PAK5: variants seen among roughly 807,000 people sequenced by gnomAD.
PAK5 encodes p21 (RAC1) activated kinase 5.
Under a neutral mutation model 65.9 loss-of-function variants are expected in PAK5, and 16 were observed. The observed-to-expected ratio is 0.24, with a 90% CI of 0.16 to 0.37. The LOEUF is 0.37. Ranked by LOEUF, PAK5 falls within the 10% of genes least tolerant of loss-of-function variation. PAK5 has a pLI of 1.00. For synonymous variants in PAK5, 371 were observed against 354.9 expected, an observed-to-expected ratio of 1.05 and a Z score of -0.51; for missense variants, 785 against 903.9, an observed-to-expected ratio of 0.87 and a Z score of 1.69.
chr20:9,690,932 T>C (rs1339625628), intron 2 of PAK5, among the ~76,000 whole-genome samples: 2 of 151,638 alleles, frequency 1.3e-5, no homozygotes, highest in African/African-American at 4.8e-5. Context: ...TTTTTGTATT[T>C]TTAATAGAGA....
intron 3 of PAK5, among the ~76,000 whole-genome samples, chr20:9,615,938 C>T (rs1407303335): frequency 6.6e-6 from 1 of 152,184 alleles, no homozygotes; most frequent in Non-Finnish European, 1.5e-5. Context: ...GCCCCCACAG[C>T]AAGCAACCCA....
intron 2 of PAK5, among the ~76,000 whole-genome samples, chr20:9,665,362 C>T (rs2123347251): frequency 6.6e-6 from 1 of 152,232 alleles, no homozygotes; most frequent in East Asian, 1.9e-4. Context: ...AAATCCATTC[C>T]TCCTGGCCAC....
In PAK5 at chr20:9,706,471, C is replaced by CTTT. The variant is rs34420250; in HGVS notation, c.-12+4812_-12+4814dup. Among the ~76,000 whole-genome samples the CTTT allele has an allele frequency of 4.8e-3, 605 of 125,366 alleles. 5 individuals are homozygous for CTTT. Among genetic ancestry groups the CTTT allele is most frequent in the African/African-American group, 0.017 (573 of 33,720 alleles). The allele number at this position is 125,366 out of a possible 152,430, so 82.2% of individuals were successfully genotyped here. On this transcript the variant is annotated intron_variant, in intron 2 of 9. Coordinates refer to ENST00000353224, the MANE Select transcript of PAK5 (RefSeq NM_177990.4). ...GAAATAAATACACATTCTACAAACT[C>CTTT]TTTTTTTTTTTTTTTTTCTTTTTAA...
chr20:9,690,771 T>TTTTTA (rs58912081), intron 2 of PAK5, among the ~76,000 whole-genome samples: 1 of 121,644 alleles, frequency 8.2e-6, no homozygotes, highest in South Asian at 2.5e-4. Flanking sequence ...TTTTTTTTTT[T>TTTTTA]GAGAAGGAGT....
rs574815488 is a variant in PAK5 at position 9,562,337 on chromosome 20, ATACT to A, written c.1616+550_1616+553del. On this transcript the variant is annotated intron_variant, in intron 6 of 9. Coordinates refer to ENST00000353224, the MANE Select transcript of PAK5 (RefSeq NM_177990.4). ...CTGGCACATAAAAGGTGCTCAATAA[ATACT>A]TAATGAAATGGCTGGAACTGGCACA... 3.0e-4 allele frequency among the ~76,000 whole-genome samples: 46 copies of A among 152,356 alleles called. 1 individual carries two copies. In the South Asian group the frequency reaches 8.9e-3, roughly 29 times the overall value.
chr20:9,760,094 G>A (rs2048681352), intron 1 of PAK5, among the ~76,000 whole-genome samples: 3 of 152,086 alleles, frequency 2.0e-5, no homozygotes, highest in Admixed American at 1.3e-4. Context: ...TGATGTTATT[G>A]GGTAGCTGTG....
At chr20:9,807,238 A>G (rs181135337) in intron 1 of PAK5, among the ~76,000 whole-genome samples, 78 of 152,280 alleles carry the variant, frequency 5.1e-4, no homozygotes, top group African/African-American at 1.9e-3. Flanking sequence ...ACATATTTGA[A>G]GAGTCATTAT....
chr20:9,786,085 C>T (rs770497093), intron 1 of PAK5, among the ~76,000 whole-genome samples: 27 of 152,198 alleles, frequency 1.8e-4, no homozygotes, highest in African/African-American at 5.5e-4. Flanking sequence ...GACCTGCTTC[C>T]GGGAATCACA....
At chr20:9,771,736 T>G (rs1229195394) in intron 1 of PAK5, among the ~76,000 whole-genome samples, 1 of 152,116 alleles carries the variant, frequency 6.6e-6, no homozygotes, top group Non-Finnish European at 1.5e-5. Flanking sequence ...AATTCAAATA[T>G]TTTTAAAATA....
At chr20:9,834,112 G>A (rs1978960322) in intron 1 of PAK5, among the ~76,000 whole-genome samples, 1 of 152,142 alleles carries the variant, frequency 6.6e-6, no homozygotes, top group Non-Finnish European at 1.5e-5. Context: ...AAGGCACACT[G>A]TCTAATTTTT....
At chr20:9,703,943 T>C (rs2123469517) in intron 2 of PAK5, among the ~76,000 whole-genome samples, 1 of 152,286 alleles carries the variant, frequency 6.6e-6, no homozygotes, top group South Asian at 2.1e-4. Flanking sequence ...ATAAGGCACC[T>C]GCTTCAGGTG....
At chr20:9,750,721 A>G (rs1373591821) in intron 1 of PAK5, among the ~76,000 whole-genome samples, 1 of 152,108 alleles carries the variant, frequency 6.6e-6, no homozygotes, top group Non-Finnish European at 1.5e-5. Context: ...CTATGACTAG[A>G]ATTCCACCCC....
chr20:9,575,200 T>C (rs976847654), intron 4 of PAK5, among the ~76,000 whole-genome samples: 9 of 152,130 alleles, frequency 5.9e-5, no homozygotes, highest in Admixed American at 6.5e-5. Context: ...CTTTTTGTTT[T>C]GTTTTGTTTT....
At chr20:9,541,519 G>T (rs2045263109) in intron 9 of PAK5, among the ~76,000 whole-genome samples, 1 of 152,088 alleles carries the variant, frequency 6.6e-6, no homozygotes, top group Non-Finnish European at 1.5e-5. Context: ...TCCCCTTTCT[G>T]ACTTTACTCC....
intron 1 of PAK5, among the ~76,000 whole-genome samples, chr20:9,832,658 C>T (rs1978819951): frequency 6.6e-6 from 1 of 152,142 alleles, no homozygotes; most frequent in African/African-American, 2.4e-5. Context: ...AGAGATTGTC[C>T]TTCTCACTGC....
At chr20:9,780,387 T>G (rs901775429) in intron 1 of PAK5, among the ~76,000 whole-genome samples, 1 of 152,108 alleles carries the variant, frequency 6.6e-6, no homozygotes, top group African/African-American at 2.4e-5. Flanking sequence ...GCAAAGTTTA[T>G]TCATTCTTTT....
chr20:9,618,676 G>A (rs2046707983), intron 3 of PAK5, among the ~76,000 whole-genome samples: 1 of 151,708 alleles, frequency 6.6e-6, no homozygotes, highest in African/African-American at 2.4e-5. Context: ...GCCTCCCAAA[G>A]TGCTGGGATT....
At chr20:9,650,840 G>A (rs1312996202) in intron 2 of PAK5, among the ~76,000 whole-genome samples, 1 of 152,040 alleles carries the variant, frequency 6.6e-6, no homozygotes, top group East Asian at 1.9e-4. Context: ...CATTAAAAGG[G>A]GCCAAAGTCT....
chr20:9,824,715 A>G (rs2049463956), intron 1 of PAK5, among the ~76,000 whole-genome samples: 1 of 152,124 alleles, frequency 6.6e-6, no homozygotes, highest in Admixed American at 6.6e-5. Flanking sequence ...ACTGCCACCC[A>G]TCACAGCCCT....
Sources: gnomAD v4.1 joint callset for allele counts (sites outside exome capture counted in the v4.1 genomes callset) on GRCh38, gnomAD v4.1.1 for gene constraint, MANE v1.5 for transcripts, NCBI Gene and HGNC (gene_info 2026-07-23, HGNC 2026-07-21) for gene names.